SQOR: variants seen among roughly 807,000 people sequenced by gnomAD.
SQOR encodes sulfide:quinone oxidoreductase, mitochondrial.
SQOR carries 39 observed loss-of-function variants against 48.6 expected under a neutral mutation model. The observed-to-expected ratio is 0.80, with a 90% CI of 0.62 to 1.05. The LOEUF (loss-of-function observed/expected upper bound fraction) is 1.05, where lower values mean the gene tolerates loss of function less well. SQOR is among the 50% of genes least tolerant of loss of function. SQOR has a pLI of 0.00. For missense variants in SQOR, 561 were observed against 559.9 expected, an observed-to-expected ratio of 1.00 and a Z score of -0.02; for synonymous variants, 220 against 206.2, an observed-to-expected ratio of 1.07 and a Z score of -0.57.
chr15:45,637,322 A>G (rs1163110530), intron 1 of SQOR, among the ~76,000 whole-genome samples: 1 of 152,164 alleles, frequency 6.6e-6, no homozygotes, highest in Non-Finnish European at 1.5e-5. Flanking sequence ...TACAGTGGAG[A>G]TAATAACACC....
At chr15:45,644,094 T>TC (rs1261064812) in intron 1 of SQOR, among the ~76,000 whole-genome samples, 166 of 152,010 alleles carry the variant, frequency 1.1e-3, no homozygotes, top group African/African-American at 3.7e-3. Flanking sequence ...ATTTTTTTTT[T>TC]CTCCTTTTTG....
Position 45,682,655 on chromosome 15 carries a change from G to C in SQOR, c.1042G>C (p.Ala348Pro). ...CCTTCCTACGTCAAAGACCGCTGCT[G>C]CAGTAGGTAAGTCAACCAGCTCCAT... ...TNLPTSKTAA[A>P]VAAQSGILDR... Residue 348 changes from alanine to proline, a missense_variant, in exon 7 of 10, where the codon GCA becomes CCA. Ala to Pro is a conservative substitution (Grantham distance 27). Coordinates refer to ENST00000260324, the MANE Select transcript of SQOR (RefSeq NM_021199.4). The C allele has an allele frequency of 1.2e-6, 2 of 1,613,654 alleles. No individual in the cohort carries two copies. Among genetic ancestry groups the C allele is most frequent in the Non-Finnish European group, 8.5e-7 (1 of 1,179,648 alleles).
chr15:45,677,984 G>A (rs1488386372), intron 6 of SQOR, among the ~76,000 whole-genome samples: 1 of 152,050 alleles, frequency 6.6e-6, no homozygotes, highest in African/African-American at 2.4e-5. Context: ...TGGGATTACA[G>A]GCATGAGCCA....
chr15:45,652,503 C>T (rs1014133450), intron 1 of SQOR, among the ~76,000 whole-genome samples: 5 of 152,020 alleles, frequency 3.3e-5, no homozygotes, highest in Non-Finnish European at 7.4e-5. Flanking sequence ...CCGGCAGGTC[C>T]GGCTACTTTT....
In SQOR at chr15:45,691,201, G is replaced by A. The variant is rs1026006291; in HGVS notation, c.*171G>A. ...GTACCTTTGAACAGCAACCATGTGG[G>A]CTACTCATGATGGGCTTGATTCTTT... On this transcript the variant is annotated 3_prime_UTR_variant, in exon 10 of 10. Coordinates refer to ENST00000260324, the MANE Select transcript of SQOR (RefSeq NM_021199.4). The A allele has an allele frequency of 3.2e-6, 2 of 619,172 alleles. No individual in the cohort carries two copies. The highest frequency in any genetic ancestry group is 5.3e-5 in the East Asian group (2 of 37,922). The allele number at this position is 619,172 out of a possible 1,614,324, so 38.4% of individuals were successfully genotyped here.
chr15:45,633,037 T>C (rs1894926216), upstream of SQOR, among the ~76,000 whole-genome samples: 1 of 151,734 alleles, frequency 6.6e-6, no homozygotes, highest in African/African-American at 2.4e-5. Flanking sequence ...GTAGGAGGAC[T>C]GTTTAAGCTC....
At chr15:45,634,074 G>A (rs951072874), upstream of SQOR, among the ~76,000 whole-genome samples, 3 of 150,966 alleles carry the variant, frequency 2.0e-5, no homozygotes, top group African/African-American at 7.3e-5. Flanking sequence ...TACTCAGGAG[G>A]CTGAGACACC....
chr15:45,660,249 G>C (rs552342119), intron 2 of SQOR, among the ~76,000 whole-genome samples: 2 of 152,134 alleles, frequency 1.3e-5, no homozygotes, highest in African/African-American at 4.8e-5. Context: ...GGACAAGGAA[G>C]ACATACTCCT....
At chr15:45,647,121 C>T (rs1264953437) in intron 1 of SQOR, among the ~76,000 whole-genome samples, 3 of 151,746 alleles carry the variant, frequency 2.0e-5, no homozygotes, top group Non-Finnish European at 4.4e-5. Context: ...TTGTGGTGGG[C>T]GCCTGTAATC....
intron 3 of SQOR, among the ~76,000 whole-genome samples, chr15:45,666,956 T>A (rs186189071): frequency 0.013 from 359 of 27,094 alleles, 8 homozygotes; most frequent in East Asian, 0.054. Context: ...TCCCATCCCC[T>A]CCCCTCTCCT....
Position 45,691,057 on chromosome 15 carries a change from G to T in SQOR, c.*27G>T. On this transcript the variant is annotated 3_prime_UTR_variant, in exon 10 of 10. Transcript: ENST00000260324. The stretch of plus-strand genomic sequence containing the variant: ...GATGGCTCAGCACTTGCTCATCTTG[G>T]ATGGCTTCTGGGCCAAAACTGCAGT... The T allele has an allele frequency of 6.2e-7, 1 of 1,609,706 alleles. No homozygotes were observed. The highest frequency in any genetic ancestry group is 8.5e-7 in the Non-Finnish European group (1 of 1,176,036).
intron 3 of SQOR, among the ~76,000 whole-genome samples, chr15:45,664,441 C>T (rs1032543133): frequency 6.6e-5 from 10 of 152,014 alleles, no homozygotes; most frequent in Non-Finnish European, 8.8e-5. Context: ...ATGTGTCCCC[C>T]CCATCCTCAT....
At chr15:45,658,832 C>A in intron 1 of SQOR, 75 bp from the exon 2 acceptor site, 2 of 1,215,498 alleles carry the variant, frequency 1.6e-6, no homozygotes, top group South Asian at 3.4e-5. Context: ...GCCTCCCTTC[C>A]TCCTGGAAAG....
At chr15:45,660,455 G>A (rs16946638) in intron 2 of SQOR, among the ~76,000 whole-genome samples, 2,381 of 152,278 alleles carry the variant, frequency 0.016, 58 homozygotes, top group African/African-American at 0.055. Context: ...TAGCTAATGC[G>A]TGGGCGGGTC....
chr15:45,676,205 G>A lies in SQOR; in HGVS notation c.759G>A (p.Arg253=). 6.2e-7 allele frequency: 1 copy of A among 1,614,128 alleles called. No homozygotes were observed. The highest frequency in any genetic ancestry group is 1.3e-5 in the African/African-American group (1 of 75,014). ...CCCTGCAGGAGATCATCCAGGAGCG[G>A]AACCTCACTGTTAACTACAAGAAAA... ...ADALQEIIQE[R]NLTVNYKKNL... is the part of the protein sequence containing the mutation. The change falls in exon 6 of 10, where the codon CGG becomes CGA. Residue 253 remains arginine, a synonymous_variant. Coordinates refer to ENST00000260324, the MANE Select transcript of SQOR (RefSeq NM_021199.4).
At chr15:45,645,799 A>AT (rs1259316359) in intron 1 of SQOR, 1 of 152,134 alleles carries the variant, frequency 6.6e-6, no homozygotes, top group East Asian at 1.9e-4. Flanking sequence ...TAGGGAAATG[A>AT]TGATGTTTGC....
chr15:45,648,485 T>C (rs1262398955), intron 1 of SQOR, among the ~76,000 whole-genome samples: 1 of 152,252 alleles, frequency 6.6e-6, no homozygotes, highest in Non-Finnish European at 1.5e-5. Context: ...CAGAATAGAT[T>C]ATTTTCCTAC....
chr15:45,652,737 C>T (rs949963444), intron 1 of SQOR, among the ~76,000 whole-genome samples: 47 of 140,188 alleles, frequency 3.4e-4, no homozygotes, highest in Non-Finnish European at 3.5e-4. Flanking sequence ...TGTGGGAGGC[C>T]GAGGCAGGTG....
chr15:45,659,491 G>A (rs933970996), intron 2 of SQOR, among the ~76,000 whole-genome samples: 5 of 152,158 alleles, frequency 3.3e-5, no homozygotes, highest in Admixed American at 6.5e-5. Context: ...CTGAAACCAA[G>A]CTATGGGCAA....
Sources: gnomAD v4.1 joint callset for allele counts (sites outside exome capture counted in the v4.1 genomes callset) on GRCh38, gnomAD v4.1.1 for gene constraint, MANE v1.5 for transcripts, NCBI Gene and HGNC (gene_info 2026-07-23, HGNC 2026-07-21) for gene names.